ADIPOR2: variants seen among roughly 807,000 people sequenced by gnomAD.
ADIPOR2 encodes the protein adiponectin receptor protein 2.
In ADIPOR2, 18 loss-of-function variants were observed where a neutral mutation model predicts 40.9. The observed-to-expected ratio is 0.44, with a 90% CI of 0.30 to 0.65. ADIPOR2 has a LOEUF of 0.65. Among genes scored for constraint, ADIPOR2 ranks in the 30% least tolerant of loss-of-function variants. The pLI is 0.09. For missense variants in ADIPOR2, 283 were observed against 479.2 expected, an observed-to-expected ratio of 0.59 and a Z score of 3.82; for synonymous variants, 165 against 166.4, an observed-to-expected ratio of 0.99 and a Z score of 0.06.
intron 1 of ADIPOR2, among the ~76,000 whole-genome samples, chr12:1,734,441 C>G (rs1467258665): frequency 6.6e-6 from 1 of 152,094 alleles, no homozygotes; most frequent in Non-Finnish European, 1.5e-5. Flanking sequence ...ATCCTTTGCC[C>G]ACTTTTTGAT....
At chr12:1,762,593 T>G (rs149972368) in intron 2 of ADIPOR2, among the ~76,000 whole-genome samples, 1,595 of 152,348 alleles carry the variant, frequency 0.01, 24 homozygotes, top group African/African-American at 0.028. Flanking sequence ...TTAGGGAAGC[T>G]TAACTAATCT....
chr12:1,693,240 C>T (rs187707285), intron 1 of ADIPOR2, among the ~76,000 whole-genome samples: 22 of 151,826 alleles, frequency 1.4e-4, no homozygotes, highest in African/African-American at 4.8e-4. Flanking sequence ...TTTTGGGGTA[C>T]AGCAGCAGAG....
At position 1,780,504 on chromosome 12, in the gene ADIPOR2, T is replaced by C. The variant is rs1465207099; in HGVS notation, c.517T>C (p.Ser173Pro). 1 of 1,613,782 alleles carries C rather than the reference T, an allele frequency of 6.2e-7. No homozygotes were observed. ...GIFYMFRPNI[S>P]FVAPLQEKVV... Reference sequence around the variant, plus strand: ...CTTTTATATGTTTCGCCCAAATATCTCCTTTGTGGCCCCTCTGCAAGAGAA... The same window carrying C: ...CTTTTATATGTTTCGCCCAAATATCCCCTTTGTGGCCCCTCTGCAAGAGAA... The change falls in exon 5 of 8, where the codon TCC becomes CCC. Residue 173 changes from serine to proline, a missense_variant. Transcript: ENST00000357103.
At chr12:1,691,542 G>A (rs1048048981) in intron 1 of ADIPOR2, among the ~76,000 whole-genome samples, 1 of 152,220 alleles carries the variant, frequency 6.6e-6, no homozygotes, top group Admixed American at 6.5e-5. Flanking sequence ...CCAGCTCCCT[G>A]CCCGCGGAGA....
intron 1 of ADIPOR2, among the ~76,000 whole-genome samples, chr12:1,714,142 C>CT (rs1374040904): frequency 6.6e-6 from 1 of 152,062 alleles, no homozygotes; most frequent in Non-Finnish European, 1.5e-5. Flanking sequence ...GTTGGACAAT[C>CT]TTTTTTAAAG....
At chr12:1,767,002 G>T (rs1862393640) in intron 2 of ADIPOR2, among the ~76,000 whole-genome samples, 1 of 152,178 alleles carries the variant, frequency 6.6e-6, no homozygotes, top group African/African-American at 2.4e-5. Context: ...GGGTGTGGTG[G>T]CTCACGCCCG....
chr12:1,764,083 A>C (rs1406597947), intron 2 of ADIPOR2, among the ~76,000 whole-genome samples: 4 of 152,230 alleles, frequency 2.6e-5, no homozygotes, highest in Non-Finnish European at 5.9e-5. Flanking sequence ...TCCTGGCTGT[A>C]CTGCCAGCCA....
intron 1 of ADIPOR2, among the ~76,000 whole-genome samples, chr12:1,712,401 C>T (rs573029546): frequency 1.3e-4 from 20 of 152,226 alleles, no homozygotes; most frequent in African/African-American, 4.6e-4. Context: ...GTAGTCCAGA[C>T]AGTGAGATCC....
chr12:1,743,633 C>T (rs1348999433), intron 1 of ADIPOR2, among the ~76,000 whole-genome samples: 1 of 152,032 alleles, frequency 6.6e-6, no homozygotes, highest in Non-Finnish European at 1.5e-5. Flanking sequence ...TGTGATTGTG[C>T]CACTGCACTC....
chr12:1,758,213 G>A (rs1230749743), intron 2 of ADIPOR2, among the ~76,000 whole-genome samples: 1 of 152,148 alleles, frequency 6.6e-6, no homozygotes, highest in African/African-American at 2.4e-5. Context: ...TAATTAGGTG[G>A]ATGGGATTTT....
rs569464933 is a variant in ADIPOR2 at position 1,720,693 on chromosome 12, C to G, written c.-87+29502C>G. On this transcript the variant is annotated intron_variant, in intron 1 of 7. Coordinates refer to ENST00000357103, the MANE Select transcript of ADIPOR2 (RefSeq NM_024551.3). ...GGAGCAGCTGTAAACACAGATGAAG[C>G]TTTTGAGCCCCTCCTGCTGTGAGGC... is the stretch of plus-strand genomic sequence containing the variant. Among the ~76,000 whole-genome samples, 3 of 152,138 alleles carry G rather than the reference C, an allele frequency of 2.0e-5. No homozygotes were observed. In the South Asian group the frequency reaches 6.2e-4, roughly 31 times the overall value.
At chr12:1,703,456 C>T (rs1295408685) in intron 1 of ADIPOR2, among the ~76,000 whole-genome samples, 3 of 151,996 alleles carry the variant, frequency 2.0e-5, no homozygotes, top group African/African-American at 4.8e-5. Flanking sequence ...AGAAATTTGG[C>T]TGGGTGTGGT....
At chr12:1,752,262 C>G (rs2094771080) in intron 1 of ADIPOR2, among the ~76,000 whole-genome samples, 1 of 57,156 alleles carries the variant, frequency 1.7e-5, no homozygotes, top group Non-Finnish European at 3.3e-5. Context: ...AAGATAATGT[C>G]TCACTCTGTT....
chr12:1,743,111 G>T (rs996457178), intron 1 of ADIPOR2, among the ~76,000 whole-genome samples: 1 of 151,506 alleles, frequency 6.6e-6, no homozygotes, highest in African/African-American at 2.4e-5. Flanking sequence ...AGTCTCGAGG[G>T]CCGGATGTGG....
intron 4 of ADIPOR2, among the ~76,000 whole-genome samples, chr12:1,779,446 T>C (rs758162256): frequency 2.6e-5 from 4 of 152,212 alleles, no homozygotes; most frequent in Non-Finnish European, 5.9e-5. Context: ...TGATTCTACA[T>C]GCATGAAATG....
At chr12:1,739,898 C>T (rs2094738868) in intron 1 of ADIPOR2, among the ~76,000 whole-genome samples, 1 of 152,092 alleles carries the variant, frequency 6.6e-6, no homozygotes, top group South Asian at 2.1e-4. Context: ...GTCAGGAGTT[C>T]GAGACCAGCC....
intron 1 of ADIPOR2, among the ~76,000 whole-genome samples, chr12:1,731,886 C>T (rs1288076089): frequency 5.9e-5 from 9 of 152,152 alleles, no homozygotes; most frequent in Non-Finnish European, 1.0e-4. Flanking sequence ...ATCGCGGGAA[C>T]CCGCGGGGCA....
Position 1,698,675 on chromosome 12 carries a change from G to A in ADIPOR2, c.-87+7484G>A, listed in dbSNP as rs528295354. 1.8e-4 allele frequency among the ~76,000 whole-genome samples: 28 copies of A among 152,202 alleles called. No individual in the cohort carries two copies. In the South Asian group the frequency reaches 5.8e-3, roughly 32 times the overall value. On this transcript the variant is annotated intron_variant, in intron 1 of 7. Transcript: ENST00000357103. ...GATGGATATTTAGATTATATAAATG[G>A]ATTGTAAATTGCCCATACATTTTAT...
intron 3 of ADIPOR2, among the ~76,000 whole-genome samples, chr12:1,774,715 A>G (rs191948518): frequency 6.5e-4 from 99 of 152,166 alleles, no homozygotes; most frequent in Middle Eastern, 6.8e-3. Flanking sequence ...TTGTTTTTGA[A>G]ATTTATTTAT....
Sources: gnomAD v4.1 joint callset for allele counts (sites outside exome capture counted in the v4.1 genomes callset) on GRCh38, gnomAD v4.1.1 for gene constraint, MANE v1.5 for transcripts, NCBI Gene and HGNC (gene_info 2026-07-23, HGNC 2026-07-21) for gene names.